TRPV6: variants seen among roughly 807,000 people sequenced by gnomAD.
TRPV6 encodes the protein Alu-binding protein with zinc finger domain.
In TRPV6, 39 loss-of-function variants were observed where a neutral mutation model predicts 79.0. That is an observed-to-expected ratio of 0.49 (90% CI 0.38 to 0.64). TRPV6 has a LOEUF of 0.64. Ranked by LOEUF, TRPV6 falls within the 30% of genes least tolerant of loss-of-function variation. TRPV6 has a pLI of 0.00. For missense variants in TRPV6, 813 were observed against 1,011.1 expected (o/e 0.80, Z 2.66); for synonymous variants, 373 against 391.9 (o/e 0.95, Z 0.57).
chr7:142,872,064 C>T, intron 14 of TRPV6, 75 bp from the exon 15 acceptor site: 1 of 1,509,746 alleles, frequency 6.6e-7, no homozygotes, highest in Admixed American at 2.2e-5. Context: ...TGTCTGTTAT[C>T]CCCTGGTCCT....
chr7:142,872,029 G>A, intron 14 of TRPV6, 40 bp from the exon 15 acceptor site: 1 of 1,545,878 alleles, frequency 6.5e-7, no homozygotes, highest in Non-Finnish European at 8.7e-7. Flanking sequence ...GCCAGGACTT[G>A]AAGAACAGAT....
intron 1 of TRPV6, chr7:142,883,274 G>A (rs528625747): frequency 6.6e-6 from 1 of 152,328 alleles, no homozygotes; most frequent in East Asian, 1.9e-4. Flanking sequence ...GATTTAAGCA[G>A]AGCGGGCTGC....
In TRPV6 at chr7:142,873,075, T is replaced by C. The variant is rs1035528356; in HGVS notation, c.1908+373A>G. 6.6e-6 allele frequency among the ~76,000 whole-genome samples: 1 copy of C among 152,232 alleles called. No homozygotes were observed. The highest frequency in any genetic ancestry group is 2.4e-5 in the African/African-American group (1 of 41,458). Reference sequence around the variant, plus strand: ...GCATTACTTTTTTAACACATCCTGCTTTCCATATCAAATTTTGCAGACTTA... The same window carrying C: ...GCATTACTTTTTTAACACATCCTGCCTTCCATATCAAATTTTGCAGACTTA... On this transcript the variant is annotated intron_variant, in intron 13 of 14. Transcript: ENST00000359396. The surrounding 1 kb of genome is among the most constrained non-coding windows in gnomAD (Gnocchi z 4.8).
chr7:142,874,890 G>C lies in TRPV6; in HGVS notation c.1406+14C>G. Reference sequence around the variant, plus strand: ...GTTGAGGGAAGGGATGGGAGTGAGAGGAAGGAAACTCACATGAGGACATGG... The same window carrying C: ...GTTGAGGGAAGGGATGGGAGTGAGACGAAGGAAACTCACATGAGGACATGG... On this transcript the variant is annotated intron_variant, in intron 10 of 14. Coordinates refer to ENST00000359396, the MANE Select transcript of TRPV6 (RefSeq NM_018646.6). The C allele has an allele frequency of 1.2e-6, 2 of 1,614,032 alleles. No homozygotes were observed. The highest frequency in any genetic ancestry group is 1.7e-6 in the Non-Finnish European group (2 of 1,179,930).
chr7:142,876,120 A>C, intron 6 of TRPV6: 2 of 670,520 alleles, frequency 3.0e-6, no homozygotes, highest in Non-Finnish European at 4.8e-6. Context: ...TGGAAAGGAG[A>C]GACGAGAGGC....
In TRPV6 at chr7:142,873,977, C is replaced by T; in HGVS notation, c.1639+99G>A. 2 of 1,372,930 alleles carry T rather than the reference C, an allele frequency of 1.5e-6. No homozygotes were observed. Among genetic ancestry groups the T allele is most frequent in the Non-Finnish European group, 2.0e-6 (2 of 980,842 alleles). 85.0% of individuals were successfully genotyped at this position (1,372,930 alleles called of 1,614,324 possible). On this transcript the variant is annotated intron_variant, in intron 12 of 14. Transcript: ENST00000359396. This position sits in a 1 kb window ranked among gnomAD's most constrained non-coding sequence, Gnocchi z 4.8. ...TGATACCATAGGTCTCCTCTGATCT[C>T]TGCATTACTCCTCCTCCCCAAGTTT... is the stretch of plus-strand genomic sequence containing the variant.
chr7:142,881,113 C>T (rs1239409450), intron 1 of TRPV6: 1 of 152,188 alleles, frequency 6.6e-6, no homozygotes, highest in African/African-American at 2.4e-5. Context: ...ACAGAAAGCC[C>T]TAGCTCACCT....
rs1794941290 is a variant in TRPV6 at position 142,871,880 on chromosome 7, G to A, written c.2125C>T (p.Leu709=). The A allele has an allele frequency of 8.1e-6, 13 of 1,614,202 alleles. No homozygotes were observed. Among genetic ancestry groups the A allele is most frequent in the Non-Finnish European group, 1.1e-5 (13 of 1,180,036 alleles). The change falls in exon 15 of 15, where the codon CTG becomes TTG. Residue 709 remains leucine (L), a synonymous_variant. Transcript: ENST00000359396. ...AGGTGGGGGCTGAAGGGACAGCCCA[G>A]CTCTAGTTTTTCCACTGAGTCTTTG... is the stretch of plus-strand genomic sequence containing the variant.
At chr7:142,875,040 G>A (rs748256171) in intron 9 of TRPV6, 38 bp downstream of exon 9, 11 of 1,613,852 alleles carry the variant, frequency 6.8e-6, no homozygotes, top group African/African-American at 1.3e-5. Flanking sequence ...TGGATTCCTC[G>A]GGCAGACAGC....
chr7:142,878,990 G>A (rs1347456015), intron 1 of TRPV6: 1 of 152,208 alleles, frequency 6.6e-6, no homozygotes, highest in Non-Finnish European at 1.5e-5. Context: ...AGGGGTCTCA[G>A]TTTCCAAACA....
Position 142,877,734 on chromosome 7 carries a change from T to A in TRPV6, c.386A>T (p.Tyr129Phe), listed in dbSNP as rs144890292. ...CACCATGGCGGCCTCCAGGTTGTCA[T>A]AGAGGGCTGCTATGTGTAGCGCTGT... The change falls in exon 3 of 15, where the codon TAT (tyrosine) becomes TTT (phenylalanine). Residue 129 changes from tyrosine (Y) to phenylalanine (F), a missense_variant. Transcript: ENST00000359396. 6.2e-7 allele frequency: 1 copy of A among 1,614,154 alleles called. No homozygotes were observed. Among genetic ancestry groups the A allele is most frequent in the Non-Finnish European group, 8.5e-7 (1 of 1,180,018 alleles).
In TRPV6 at chr7:142,885,616, G is replaced by C. The variant is rs1396781435; in HGVS notation, c.21C>G (p.Asp7Glu). The change falls in exon 1 of 15, where the codon GAC becomes GAG. Residue 7 changes from aspartate (D) to glutamate (E), a missense_variant. By Grantham distance (45) the Asp-to-Glu change is conservative. Transcript: ENST00000359396. Reference sequence around the variant, plus strand: ...CAGCCCCCCCAAGGGCCGGCCCACCGTCTCCCTGTAGAGGTCCCGTCTCCT... The same window carrying C: ...CAGCCCCCCCAAGGGCCGGCCCACCCTCTCCCTGTAGAGGTCCCGTCTCCT... 1 of 1,466,776 alleles carries C rather than the reference G, an allele frequency of 6.8e-7. No individual in the cohort carries two copies. Among genetic ancestry groups the C allele is most frequent in the Non-Finnish European group, 9.1e-7 (1 of 1,099,514 alleles). 90.9% of individuals were successfully genotyped at this position (1,466,776 alleles called of 1,614,324 possible). A position where few individuals can be genotyped will look rare whatever the true frequency, so the allele number is the denominator to read the frequency against.
At chr7:142,881,263 A>T (rs566914644) in intron 1 of TRPV6, 2 of 152,152 alleles carry the variant, frequency 1.3e-5, no homozygotes, top group Non-Finnish European at 2.9e-5. Context: ...AGGAGTTTAG[A>T]TCACAACACG....
chr7:142,875,729 C>T, intron 7 of TRPV6, 29 bp downstream of exon 7: 1 of 1,598,170 alleles, frequency 6.3e-7, no homozygotes, highest in Non-Finnish European at 8.5e-7. Flanking sequence ...CACCCCTCCC[C>T]AGCCACAGCC....
rs757710547 is a variant in TRPV6 at position 142,876,423 on chromosome 7, C to T, written c.867G>A (p.Val289=). 6.2e-7 allele frequency: 1 copy of T among 1,613,848 alleles called. No individual in the cohort carries two copies. Among genetic ancestry groups the T allele is most frequent in the Admixed American group, 1.7e-5 (1 of 59,976 alleles). The change falls in exon 6 of 15, where the codon GTG becomes GTA. Residue 289 remains valine, a synonymous_variant. Transcript: ENST00000359396. The stretch of plus-strand genomic sequence containing the variant: ...CGTCTCTCACCACAGTGTTACCCTC[C>T]ACTCCAGCCAGCTTGAAAGGGGTGA...
Position 142,885,455 on chromosome 7 carries a change from C to A in TRPV6, c.182G>T (p.Arg61Ile), listed in dbSNP as rs769647587. 6.2e-7 allele frequency: 1 copy of A among 1,613,844 alleles called. No homozygotes were observed. Among genetic ancestry groups the A allele is most frequent in the Non-Finnish European group, 8.5e-7 (1 of 1,179,924 alleles). Residue 61 changes from arginine to isoleucine, a missense_variant, in exon 1 of 15, where the codon AGA (arginine) becomes ATA (isoleucine). Transcript: ENST00000359396. ...CCAGGACTCCCGTCTCTGGAACCATCTGCAGAACTTGCTCCATAGGCAGAG... is the reference window on the plus strand; with the variant it reads ...CCAGGACTCCCGTCTCTGGAACCATATGCAGAACTTGCTCCATAGGCAGAG...
chr7:142,871,586 G>T lies in TRPV6; in HGVS notation c.*121C>A. On this transcript the variant is annotated 3_prime_UTR_variant, in exon 15 of 15. Transcript: ENST00000359396. ...TCAACGTACATTCCTTGGCGTTCAT[G>T]CTACTCCTCTTTCTCCCCTGGGGCC... 8.3e-7 allele frequency: 1 copy of T among 1,210,932 alleles called. No homozygotes were observed. Among genetic ancestry groups the T allele is most frequent in the Non-Finnish European group, 1.2e-6 (1 of 864,808 alleles). The allele number at this position is 1,210,932 out of a possible 1,614,324, so 75.0% of individuals were successfully genotyped here.
At position 142,875,264 on chromosome 7, in the gene TRPV6, A is replaced by G. The variant is rs1043809519; in HGVS notation, c.1243-100T>C. 24 of 1,445,834 alleles carry G rather than the reference A, an allele frequency of 1.7e-5. No individual in the cohort carries two copies. The African/African-American group carries it at 3.3e-4, about 20-fold the overall frequency. The allele number at this position is 1,445,834 out of a possible 1,614,324, so 89.6% of individuals were successfully genotyped here. A position where few individuals can be genotyped will look rare whatever the true frequency, so the allele number is the denominator to read the frequency against. ...TCACCAGTCTTAGCAGATTCTTTTT[A>G]ATCTGTTAGGTTTGGGTCTTCTCAA... On this transcript the variant is annotated intron_variant, in intron 8 of 14. Transcript: ENST00000359396.
At chr7:142,875,226 A>G (rs1448037240) in intron 8 of TRPV6, 62 bp from the exon 9 acceptor site, 6 of 1,579,498 alleles carry the variant, frequency 3.8e-6, no homozygotes, top group African/African-American at 1.4e-5. Flanking sequence ...CTGCATTTCC[A>G]TGGTGCCCAG....
Sources: gnomAD v4.1 joint callset for allele counts (sites outside exome capture counted in the v4.1 genomes callset) on GRCh38, gnomAD v4.1.1 for gene constraint, Gnocchi (gnomAD v3.1) non-coding constraint, MANE v1.5 for transcripts, NCBI Gene and HGNC (gene_info 2026-07-23, HGNC 2026-07-21) for gene names.